The following NAA16 variants were observed in gnomAD, a reference collection of about 807,000 sequenced individuals.
NAA16 encodes the protein N-alpha-acetyltransferase 16, NatA auxiliary subunit, also known as NARG1-like protein.
In NAA16, 97 loss-of-function variants were observed where a neutral mutation model predicts 110.3. The ratio of observed to expected loss-of-function variants is 0.88; its 90% confidence interval spans 0.75 to 1.04. The LOEUF (loss-of-function observed/expected upper bound fraction) is 1.04, where lower values mean the gene tolerates loss of function less well. Among genes scored for constraint, NAA16 ranks in the 50% least tolerant of loss-of-function variants. NAA16 has a pLI of 0.00. For missense variants in NAA16, 1,017 were observed against 1,005.1 expected (o/e 1.01, Z -0.16); for synonymous variants, 372 against 330.6 (o/e 1.13, Z -1.36).
intron 13 of NAA16, chr13:41,362,451 TTA>T (rs1188446355): frequency 5.9e-6 from 2 of 339,624 alleles, no homozygotes; most frequent in Non-Finnish European, 1.1e-5. Context: ...AATTAGGCCA[TTA>T]TTTTGATATT....
At chr13:41,343,528 T>A (rs1449715457) in intron 9 of NAA16, among the ~76,000 whole-genome samples, 1 of 152,010 alleles carries the variant, frequency 6.6e-6, no homozygotes, top group Non-Finnish European at 1.5e-5. Context: ...TTTTAAAAAT[T>A]TGTTTTTGTT....
In NAA16 at chr13:41,376,047, T is replaced by A. The variant is rs1358131010; in HGVS notation, c.*445T>A. ...GCTCACACCTGTAATCCCAGCACTT[T>A]GGGAGGCCCAGACTGGCGGATCACC... is the stretch of plus-strand genomic sequence containing the variant. On this transcript the variant is annotated 3_prime_UTR_variant, in exon 20 of 20. Coordinates refer to ENST00000379406, the MANE Select transcript of NAA16 (RefSeq NM_024561.5). The A allele has an allele frequency of 6.5e-6, 1 of 152,946 alleles. No individual in the cohort carries two copies. The highest frequency in any genetic ancestry group is 1.5e-5 in the Non-Finnish European group (1 of 68,634). The allele number at this position is 152,946 out of a possible 1,614,324, so 9.5% of individuals were successfully genotyped here. A position where few individuals can be genotyped will look rare whatever the true frequency, so the allele number is the denominator to read the frequency against.
At chr13:41,325,905 ATATTT>A (rs1225364423) in intron 6 of NAA16, 54 bp downstream of exon 6, 4 of 1,430,830 alleles carry the variant, frequency 2.8e-6, no homozygotes, top group Non-Finnish European at 2.9e-6. Flanking sequence ...AAAAAACTAT[ATATTT>A]TATTCTCTCC....
chr13:41,311,405 T>G lies in NAA16; in HGVS notation c.-124T>G. The G allele has an allele frequency of 1.1e-6, 1 of 906,978 alleles. No individual in the cohort carries two copies. Among genetic ancestry groups the G allele is most frequent in the Non-Finnish European group, 1.7e-6 (1 of 586,454 alleles). The allele number at this position is 906,978 out of a possible 1,614,324, so 56.2% of individuals were successfully genotyped here. A position where few individuals can be genotyped will look rare whatever the true frequency, so the allele number is the denominator to read the frequency against. ...CTGCCCAATTGCAACTGTAGACCAA[T>G]GAACTAATCCATCGCCCGCAGCCCG... On this transcript the variant is annotated 5_prime_UTR_variant, in exon 1 of 20. It removes an upstream start codon present in the reference 5' UTR. Transcript: ENST00000379406.
intron 14 of NAA16, 63 bp downstream of exon 14, chr13:41,367,715 A>G (rs1403719860): frequency 4.9e-6 from 5 of 1,026,252 alleles, no homozygotes; most frequent in Non-Finnish European, 5.6e-6. Flanking sequence ...CCATTAGCGT[A>G]AACAATACCT....
intron 9 of NAA16, among the ~76,000 whole-genome samples, chr13:41,339,990 G>A (rs1190040112): frequency 6.6e-6 from 1 of 152,116 alleles, no homozygotes; most frequent in Non-Finnish European, 1.5e-5. Flanking sequence ...TTTCTTTAAT[G>A]TTGAAATAGA....
chr13:41,374,058 A>G (rs148862523), intron 18 of NAA16, among the ~76,000 whole-genome samples: 8 of 152,274 alleles, frequency 5.3e-5, no homozygotes, highest in Non-Finnish European at 1.2e-4. Context: ...TATAATCTCA[A>G]CTATGCATGG....
chr13:41,314,826 A>C (rs2041765169), intron 1 of NAA16, among the ~76,000 whole-genome samples: 1 of 151,960 alleles, frequency 6.6e-6, no homozygotes, highest in Middle Eastern at 3.2e-3. Context: ...TCTCTACCAA[A>C]AATAAAAAAA....
chr13:41,336,409 C>A (rs2042382380), intron 8 of NAA16, among the ~76,000 whole-genome samples: 1 of 152,148 alleles, frequency 6.6e-6, no homozygotes, highest in Admixed American at 6.5e-5. Flanking sequence ...TTATGCATAT[C>A]TGCAGGGTTT....
chr13:41,372,828 C>T lies in NAA16; in HGVS notation c.2153C>T (p.Ser718Phe). ...GAATGTTTAATTAGATTTTCTAAAT[C>T]TGGTAAGTATAAAAAAGGACCATAT... ...LHECLIRFSK[S>F]VSNHSNLPDI... Residue 718 changes from serine to phenylalanine, a missense_variant and splice_region_variant, in exon 17 of 20, where the codon TCT (serine) becomes TTT (phenylalanine). Ser to Phe is a radical substitution (Grantham distance 155, BLOSUM62 -2). Transcript: ENST00000379406. 6.4e-7 allele frequency: 1 copy of T among 1,571,808 alleles called. No homozygotes were observed. Among genetic ancestry groups the T allele is most frequent in the Non-Finnish European group, 8.7e-7 (1 of 1,155,344 alleles).
intron 9 of NAA16, among the ~76,000 whole-genome samples, chr13:41,352,387 GCT>G (rs1440956285): frequency 1.1e-4 from 17 of 152,078 alleles, no homozygotes; most frequent in Admixed American, 2.6e-4. Flanking sequence ...TGGCACAGTG[GCT>G]CATGCCTGTA....
intron 18 of NAA16, 194 bp from the exon 19 acceptor site, chr13:41,374,548 C>T (rs559526837): frequency 1.3e-4 from 58 of 456,624 alleles, no homozygotes; most frequent in African/African-American, 1.1e-3. Flanking sequence ...CTGATCATGG[C>T]CTATCAATGG....
rs536516395 is a variant in NAA16, at chr13:41,368,779, G to T, written c.1754-311G>T. On this transcript the variant is annotated intron_variant, in intron 14 of 19. Coordinates refer to ENST00000379406, the MANE Select transcript of NAA16 (RefSeq NM_024561.5). ...TTTACATAGCATTTACATTATTTTA[G>T]GCATACCTATAGACCATAATATAAT... Among the ~76,000 whole-genome samples, 7 of 151,952 alleles carry T rather than the reference G, an allele frequency of 4.6e-5. No homozygotes were observed. The East Asian group carries it at 1.2e-3, about 25-fold the overall frequency.
chr13:41,373,818 A>G, intron 18 of NAA16, 38 bp downstream of exon 18: 1 of 1,547,972 alleles, frequency 6.5e-7, no homozygotes, highest in Admixed American at 2.1e-5. Flanking sequence ...TACTTATGGA[A>G]AAAGCGAACA....
Position 41,337,787 on chromosome 13 carries a change from A to G in NAA16, c.1014+1031A>G, listed in dbSNP as rs74049151. 6.9e-3 allele frequency among the ~76,000 whole-genome samples: 1,055 copies of G among 152,272 alleles called. 16 individuals are homozygous for G. Among genetic ancestry groups the G allele is most frequent in the African/African-American group, 0.023 (975 of 41,552 alleles). Reference sequence around the variant, plus strand: ...CTTCTGTCATATTTATTTAGCTTTGATTCATAATAATTTGTAAATTTGCAG... The same window carrying G: ...CTTCTGTCATATTTATTTAGCTTTGGTTCATAATAATTTGTAAATTTGCAG... On this transcript the variant is annotated intron_variant, in intron 9 of 19. Coordinates refer to ENST00000379406, the MANE Select transcript of NAA16 (RefSeq NM_024561.5).
chr13:41,323,872 A>ACT (rs1323955400), intron 5 of NAA16, among the ~76,000 whole-genome samples: 6 of 152,212 alleles, frequency 3.9e-5, no homozygotes, highest in Non-Finnish European at 7.4e-5. Context: ...CTTAGAGTTA[A>ACT]TCCACCAACC....
At chr13:41,350,790 T>C (rs1177416550) in intron 9 of NAA16, among the ~76,000 whole-genome samples, 1 of 151,592 alleles carries the variant, frequency 6.6e-6, no homozygotes, top group African/African-American at 2.4e-5. Flanking sequence ...CCAGCTAACT[T>C]TTGTTGTATT....
At chr13:41,363,226 T>C (rs540857446) in intron 13 of NAA16, among the ~76,000 whole-genome samples, 1 of 152,252 alleles carries the variant, frequency 6.6e-6, no homozygotes, top group African/African-American at 2.4e-5. Flanking sequence ...ATCACTAGCT[T>C]GTTACACTCC....
chr13:41,339,277 TTACAGGCATGTGCCACC>T (rs2042467237), intron 9 of NAA16, among the ~76,000 whole-genome samples: 2 of 151,934 alleles, frequency 1.3e-5, no homozygotes, highest in South Asian at 4.2e-4. Flanking sequence ...GTAGCTGGGA[TTACAGGCATGTGCCACC>T]ACGCCCGGCT....
Sources: allele counts gnomAD v4.1 joint callset (sites outside exome capture counted in the v4.1 genomes callset), GRCh38; gene constraint gnomAD v4.1.1; transcripts MANE v1.5; gene names NCBI Gene and HGNC (gene_info 2026-07-23, HGNC 2026-07-21).